Variants in NT5DC4 observed in about 807,000 individuals in gnomAD.
NT5DC4 encodes 5'-nucleotidase domain-containing protein 4.
In NT5DC4, 44 loss-of-function variants were observed where a neutral mutation model predicts 26.6. That is an observed-to-expected ratio of 1.65 (90% CI 1.30 to 2.13). The LOEUF is 2.13. Among genes scored for constraint, NT5DC4 ranks in the 30% most tolerant of loss-of-function variants. NT5DC4 has a pLI of 0.00. For synonymous variants in NT5DC4, 157 were observed against 86.7 expected, an observed-to-expected ratio of 1.81 and a Z score of -4.51; for missense variants, 399 against 228.1, an observed-to-expected ratio of 1.75 and a Z score of -4.83.
chr2:112,722,410 T>C, intron 4 of NT5DC4, 73 bp from the exon 5 acceptor site: 2 of 714,392 alleles, frequency 2.8e-6, no homozygotes, highest in African/African-American at 1.7e-5. Context: ...GGATGCGTGG[T>C]GGTTGGAAGG....
At chr2:112,728,841 G>A (rs1395205161) in intron 15 of NT5DC4, among the ~76,000 whole-genome samples, 1 of 152,208 alleles carries the variant, frequency 6.6e-6, no homozygotes, top group Non-Finnish European at 1.5e-5. Context: ...GCTGGGATGT[G>A]AGCCTGTCAA....
At chr2:112,723,953 C>A in intron 9 of NT5DC4, 141 bp from the exon 10 acceptor site, 1 of 694,312 alleles carries the variant, frequency 1.4e-6, no homozygotes, top group South Asian at 1.5e-5. Flanking sequence ...CATTTCTTGG[C>A]CTTTCAAGGC....
chr2:112,727,546 T>C (rs1275412429), intron 15 of NT5DC4, among the ~76,000 whole-genome samples: 1 of 152,152 alleles, frequency 6.6e-6, no homozygotes, highest in Admixed American at 6.5e-5. Context: ...TGGTCCATCT[T>C]CAGGGCCAGG....
In NT5DC4 at chr2:112,738,981, C is replaced by A; in HGVS notation, c.*45C>A. 6.2e-7 allele frequency: 1 copy of A among 1,614,200 alleles called. No homozygotes were observed. Among genetic ancestry groups the A allele is most frequent in the South Asian group, 1.1e-5 (1 of 91,080 alleles). On this transcript the variant is annotated 3_prime_UTR_variant, in exon 17 of 17. Transcript: ENST00000688554. ...TCTGGGTAGCGGGACACTGCTCGCTCAATCCTCGACGAACGCCGTACAGGA... is the reference window on the plus strand; with the variant it reads ...TCTGGGTAGCGGGACACTGCTCGCTAAATCCTCGACGAACGCCGTACAGGA...
intron 15 of NT5DC4, among the ~76,000 whole-genome samples, chr2:112,727,634 C>A (rs1423111462): frequency 2.6e-5 from 4 of 152,212 alleles, no homozygotes; most frequent in Non-Finnish European, 5.9e-5. Context: ...GCCAAGTGTG[C>A]AGCCTGTGGG....
chr2:112,722,404 G>T, intron 4 of NT5DC4, 79 bp from the exon 5 acceptor site: 1 of 714,332 alleles, frequency 1.4e-6, no homozygotes, highest in Non-Finnish European at 2.6e-6. Context: ...CAGAAGGGAT[G>T]CGTGGTGGTT....
Position 112,726,849 on chromosome 2 carries a change from C to T in NT5DC4, c.1266+111C>T, listed in dbSNP as rs1367780127. ...CCTCGGTGCCAAAGGCCCAGTTACC[C>T]CATTCTCCTCAGCCTCGCCTGGGCT... On this transcript the variant is annotated intron_variant, in intron 15 of 16. Transcript: ENST00000688554. 4 of 698,836 alleles carry T rather than the reference C, an allele frequency of 5.7e-6. No individual in the cohort carries two copies. The African/African-American group carries it at 7.0e-5, about 12-fold the overall frequency. The allele number at this position is 698,836 out of a possible 1,614,324, so 43.3% of individuals were successfully genotyped here. A position where few individuals can be genotyped will look rare whatever the true frequency, so the allele number is the denominator to read the frequency against.
At chr2:112,740,804 T>C (rs1426616167), downstream of NT5DC4, 1 of 1,593,070 alleles carries the variant, frequency 6.3e-7, no homozygotes, top group East Asian at 2.2e-5. Flanking sequence ...AAGTCTGCTT[T>C]AGAGTTTGCT....
intron 16 of NT5DC4, among the ~76,000 whole-genome samples, 199 bp downstream of exon 16, chr2:112,729,903 CTT>C (rs1489485532): frequency 6.6e-6 from 1 of 152,158 alleles, no homozygotes; most frequent in East Asian, 1.9e-4. Context: ...ATGCTTTTCT[CTT>C]TATTTCTCCT....
chr2:112,740,083 G>A (rs1679797258), downstream of NT5DC4, among the ~76,000 whole-genome samples: 1 of 152,154 alleles, frequency 6.6e-6, no homozygotes, highest in South Asian at 2.1e-4. Context: ...GTGAATTCTA[G>A]AGCCATTAAG....
At chr2:112,733,200 A>G (rs1354405291) in intron 16 of NT5DC4, among the ~76,000 whole-genome samples, 1 of 151,742 alleles carries the variant, frequency 6.6e-6, no homozygotes, top group East Asian at 1.9e-4. Context: ...CTAATTCTGT[A>G]TCTGTCCTAC....
chr2:112,729,532 A>G (rs185691427), intron 15 of NT5DC4, 95 bp from the exon 16 acceptor site: 2 of 688,186 alleles, frequency 2.9e-6, no homozygotes, highest in African/African-American at 3.5e-5. Context: ...GGAAGTTGGC[A>G]GCTGTGGGCA....
At chr2:112,722,998 G>A (rs1677138269) in intron 6 of NT5DC4, 83 bp from the exon 7 acceptor site, 7 of 498,762 alleles carry the variant, frequency 1.4e-5, no homozygotes, top group South Asian at 1.3e-4. Context: ...TGGCTGGTGG[G>A]GTTGCTCTGG....
intron 15 of NT5DC4, among the ~76,000 whole-genome samples, chr2:112,728,898 T>G (rs1678102507): frequency 6.6e-6 from 1 of 152,140 alleles, no homozygotes; most frequent in South Asian, 2.1e-4. Flanking sequence ...GCCACACACA[T>G]GGGGGAACTG....
upstream of NT5DC4, among the ~76,000 whole-genome samples, chr2:112,719,531 G>A (rs1026045977): frequency 2.3e-5 from 3 of 129,006 alleles, no homozygotes; most frequent in Admixed American, 2.0e-4. Flanking sequence ...TGTTGCCCAG[G>A]CTGGAGTGCA....
At chr2:112,719,904 T>TTC (rs1220158866), upstream of NT5DC4, among the ~76,000 whole-genome samples, 690 of 98,658 alleles carry the variant, frequency 7.0e-3, 15 homozygotes, top group African/African-American at 0.024. Flanking sequence ...CTTTCTTTCT[T>TTC]TTTCTTTCTT....
chr2:112,739,162 T>C, downstream of NT5DC4: 2 of 811,302 alleles, frequency 2.5e-6, no homozygotes, highest in Non-Finnish European at 3.9e-6. Flanking sequence ...CATAGGGTGA[T>C]ACAAGAGATA....
At chr2:112,742,841 T>G, downstream of NT5DC4, 1 of 936,544 alleles carries the variant, frequency 1.1e-6, no homozygotes, top group South Asian at 1.4e-5. Flanking sequence ...GAACTTTAAC[T>G]TCAAATACAT....
chr2:112,719,980 TTC>T (rs1216308654), upstream of NT5DC4, among the ~76,000 whole-genome samples: 161 of 124,572 alleles, frequency 1.3e-3, no homozygotes, highest in African/African-American at 2.4e-3. Flanking sequence ...CTTTCTTTCT[TTC>T]TTTCTTTTTC....
Sources: allele counts gnomAD v4.1 joint callset (sites outside exome capture counted in the v4.1 genomes callset), GRCh38; gene constraint gnomAD v4.1.1; transcripts MANE v1.5; gene names NCBI Gene and HGNC (gene_info 2026-07-23, HGNC 2026-07-21).